The following RAPGEF4 variants were observed in gnomAD, a reference collection of about 807,000 sequenced individuals.
RAPGEF4 encodes the protein RAP guanine-nucleotide-exchange factor (GEF) 4.
Under a neutral mutation model 147.9 loss-of-function variants are expected in RAPGEF4, and 66 were observed. That is an observed-to-expected ratio of 0.45 (90% CI 0.37 to 0.55). The LOEUF (loss-of-function observed/expected upper bound fraction) is 0.55, where lower values mean the gene tolerates loss of function less well. Among genes scored for constraint, RAPGEF4 ranks in the 20% least tolerant of loss-of-function variants. The pLI is 0.00. For missense variants in RAPGEF4, 1,071 were observed against 1,257.3 expected (o/e 0.85, Z 2.24); for synonymous variants, 419 against 442.7 (o/e 0.95, Z 0.67).
At chr2:172,857,810 G>A (rs72908214) in intron 4 of RAPGEF4, among the ~76,000 whole-genome samples, 2,416 of 147,142 alleles carry the variant, frequency 0.016, 23 homozygotes, top group South Asian at 0.037. Flanking sequence ...GAGCCCTGGA[G>A]AGTCTGAGAC....
chr2:172,962,598 A>G (rs529342374), intron 8 of RAPGEF4, among the ~76,000 whole-genome samples: 1 of 152,108 alleles, frequency 6.6e-6, no homozygotes, highest in South Asian at 2.1e-4. Context: ...CATGCAAACT[A>G]ATACTCTTCT....
chr2:172,741,833 G>A (rs1157271362), intron 1 of RAPGEF4, among the ~76,000 whole-genome samples: 1 of 152,074 alleles, frequency 6.6e-6, no homozygotes, highest in Non-Finnish European at 1.5e-5. Flanking sequence ...CTCCATGCCT[G>A]GCTAATTTTA....
At chr2:172,857,449 G>A (rs185600402) in intron 4 of RAPGEF4, among the ~76,000 whole-genome samples, 2 of 152,300 alleles carry the variant, frequency 1.3e-5, no homozygotes, top group Admixed American at 1.3e-4. Flanking sequence ...ATGTCTTTCG[G>A]TGTATACATT....
intron 6 of RAPGEF4, among the ~76,000 whole-genome samples, chr2:172,932,569 ATT>A (rs1686103574): frequency 6.6e-6 from 1 of 152,124 alleles, no homozygotes; most frequent in Admixed American, 6.5e-5. Context: ...TTCCCATTTT[ATT>A]TCCTCTGTAG....
At chr2:173,013,529 A>C (rs1440883113) in intron 17 of RAPGEF4, among the ~76,000 whole-genome samples, 1 of 152,256 alleles carries the variant, frequency 6.6e-6, no homozygotes, top group African/African-American at 2.4e-5. Context: ...ATTATCTATA[A>C]TATGAACTAT....
At chr2:173,023,776 A>G (rs1231130543) in intron 23 of RAPGEF4, among the ~76,000 whole-genome samples, 1 of 152,186 alleles carries the variant, frequency 6.6e-6, no homozygotes, top group African/African-American at 2.4e-5. Context: ...GCCTCAAGGA[A>G]AAGAAGGAGC....
At chr2:172,989,212 C>A (rs1692577158) in intron 14 of RAPGEF4, among the ~76,000 whole-genome samples, 1 of 152,220 alleles carries the variant, frequency 6.6e-6, no homozygotes, top group African/African-American at 2.4e-5. Flanking sequence ...AACACAGTGG[C>A]AGCCCCCTCT....
chr2:172,988,608 G>C, intron 13 of RAPGEF4, 85 bp from the exon 14 acceptor site: 1 of 1,432,944 alleles, frequency 7.0e-7, no homozygotes, highest in Non-Finnish European at 9.6e-7. Flanking sequence ...AATGTTTTAG[G>C]GGCTTGGGGG....
At chr2:172,967,188 G>T in intron 9 of RAPGEF4, 73 bp from the exon 10 acceptor site, 1 of 1,460,854 alleles carries the variant, frequency 6.8e-7, no homozygotes, top group Non-Finnish European at 9.3e-7. Flanking sequence ...CTGACACTCT[G>T]CATTTGTTTC....
intron 1 of RAPGEF4, among the ~76,000 whole-genome samples, chr2:172,739,296 A>C (rs1398079679): frequency 2.7e-5 from 4 of 150,858 alleles, no homozygotes; most frequent in Admixed American, 2.6e-4. Context: ...AGTTCCCACT[A>C]TTTGGGACTT....
chr2:172,740,746 C>T (rs1049350534), intron 1 of RAPGEF4, among the ~76,000 whole-genome samples: 29 of 152,192 alleles, frequency 1.9e-4, no homozygotes, highest in Non-Finnish European at 1.6e-4. Context: ...TACCCCGGTA[C>T]ATCCTCCAGG....
At chr2:172,825,552 A>G (rs1689575878) in intron 4 of RAPGEF4, among the ~76,000 whole-genome samples, 1 of 152,190 alleles carries the variant, frequency 6.6e-6, no homozygotes, top group Non-Finnish European at 1.5e-5. Context: ...AATGTAACAT[A>G]TCCTCTTTTG....
chr2:172,900,915 G>C (rs151237539), intron 4 of RAPGEF4, among the ~76,000 whole-genome samples: 2 of 151,798 alleles, frequency 1.3e-5, no homozygotes, highest in Non-Finnish European at 2.9e-5. Context: ...TGTAATTAAG[G>C]TTCTTTTTTT....
chr2:172,950,604 T>C (rs1241672401), intron 6 of RAPGEF4, among the ~76,000 whole-genome samples: 1 of 152,216 alleles, frequency 6.6e-6, no homozygotes, highest in Non-Finnish European at 1.5e-5. Context: ...TGAGATAGTT[T>C]ATTTGTAATT....
chr2:172,893,520 C>G (rs913136801), intron 4 of RAPGEF4, among the ~76,000 whole-genome samples: 3 of 152,168 alleles, frequency 2.0e-5, no homozygotes, highest in Non-Finnish European at 4.4e-5. Context: ...GAGTTGAGCA[C>G]AAGACTTTTG....
At chr2:172,778,272 A>C (rs1684362807) in intron 1 of RAPGEF4, among the ~76,000 whole-genome samples, 1 of 152,216 alleles carries the variant, frequency 6.6e-6, no homozygotes, top group South Asian at 2.1e-4. Flanking sequence ...CGGAAGCCCC[A>C]GAATGCCTCT....
chr2:172,986,764 G>C (rs558750682), intron 12 of RAPGEF4, among the ~76,000 whole-genome samples: 1 of 151,280 alleles, frequency 6.6e-6, no homozygotes, highest in Non-Finnish European at 1.5e-5. Context: ...CACAACCTTG[G>C]CTCACTGCAA....
chr2:172,861,086 T>A (rs1424295762), intron 4 of RAPGEF4, among the ~76,000 whole-genome samples: 2 of 152,146 alleles, frequency 1.3e-5, no homozygotes, highest in African/African-American at 4.8e-5. Context: ...TATGAATGGG[T>A]GGAACTCTCT....
intron 10 of RAPGEF4, among the ~76,000 whole-genome samples, chr2:172,973,384 A>G (rs538960343): frequency 1.3e-5 from 2 of 152,278 alleles, no homozygotes; most frequent in East Asian, 3.8e-4. Context: ...AAGTATTGGG[A>G]TTATAGGCAT....
Sources: allele counts gnomAD v4.1 joint callset (sites outside exome capture counted in the v4.1 genomes callset), GRCh38; gene constraint gnomAD v4.1.1; transcripts MANE v1.5; gene names NCBI Gene and HGNC (gene_info 2026-07-23, HGNC 2026-07-21).